Variants in SEC14L1 observed in about 807,000 individuals in gnomAD.
SEC14L1 encodes SEC14-like protein 1.
A neutral mutation model predicts 85.3 loss-of-function variants in SEC14L1; 48 were observed. That is an observed-to-expected ratio of 0.56 (90% CI 0.45 to 0.72). The LOEUF (loss-of-function observed/expected upper bound fraction) is 0.72. Among genes scored for constraint, SEC14L1 ranks in the 30% least tolerant of loss-of-function variants. SEC14L1 has a pLI of 0.00. For synonymous variants in SEC14L1, 391 were observed against 355.5 expected (o/e 1.10, Z -1.12); for missense variants, 682 against 921.4 (o/e 0.74, Z 3.36).
chr17:77,204,403 A>G (rs941124934), intron 10 of SEC14L1, among the ~76,000 whole-genome samples: 3 of 150,748 alleles, frequency 2.0e-5, no homozygotes, highest in Non-Finnish European at 4.4e-5. Flanking sequence ...TATTTTTACT[A>G]GAGACGGGGT....
intron 2 of SEC14L1, among the ~76,000 whole-genome samples, chr17:77,091,987 T>C (rs1205691968): frequency 6.6e-6 from 1 of 152,102 alleles, no homozygotes; most frequent in Non-Finnish European, 1.5e-5. Flanking sequence ...AATTTTTGTG[T>C]TTTTAGTAGA....
intron 3 of SEC14L1, among the ~76,000 whole-genome samples, 178 bp from the exon 4 acceptor site, chr17:77,190,625 G>A (rs879492478): frequency 1.3e-5 from 2 of 152,186 alleles, no homozygotes; most frequent in African/African-American, 2.4e-5. Context: ...TGAATCTTCC[G>A]ATCCATGGAC....
chr17:77,198,094 A>G, intron 8 of SEC14L1, among the ~76,000 whole-genome samples: 1 of 152,380 alleles, frequency 6.6e-6, no homozygotes, highest in East Asian at 1.9e-4. Flanking sequence ...CACATAAACT[A>G]CACTAAAATG....
At chr17:77,099,135 T>C (rs532913236) in intron 3 of SEC14L1, 1 of 152,300 alleles carries the variant, frequency 6.6e-6, no homozygotes, top group Admixed American at 6.5e-5. Flanking sequence ...TGGAGGGTTA[T>C]GTAACAGTGG....
At chr17:77,098,053 G>C (rs1034963841) in intron 3 of SEC14L1, among the ~76,000 whole-genome samples, 1 of 152,204 alleles carries the variant, frequency 6.6e-6, no homozygotes, top group African/African-American at 2.4e-5. Context: ...GAGAGGGCTG[G>C]GGGGCTGAGG....
At chr17:77,175,366 G>A (rs548558142) in intron 3 of SEC14L1, among the ~76,000 whole-genome samples, 9 of 152,226 alleles carry the variant, frequency 5.9e-5, no homozygotes, top group African/African-American at 2.2e-4. Context: ...TTCACAGAAG[G>A]GGGTGGGCTA....
chr17:77,174,762 C>T (rs1974677228), intron 3 of SEC14L1, among the ~76,000 whole-genome samples: 2 of 152,104 alleles, frequency 1.3e-5, no homozygotes, highest in African/African-American at 4.8e-5. Flanking sequence ...AAGCTGTGCT[C>T]AAGAGAAAAA....
Position 77,205,341 on chromosome 17 carries a change from T to C in SEC14L1, c.1164T>C (p.Pro388=). The change falls in exon 11 of 17, where the codon CCT becomes CCC. Residue 388 remains proline (P), a synonymous_variant. Transcript: ENST00000436233. ...CEENTKVFGR[P]ISSWTCLVDL... is the part of the protein sequence containing the mutation. The stretch of plus-strand genomic sequence containing the variant: ...AGAATACAAAAGTCTTTGGTCGGCC[T>C]ATCAGGTAGATGTGGGATTTTGTTT... 6.2e-7 allele frequency: 1 copy of C among 1,613,820 alleles called. No individual in the cohort carries two copies. Among genetic ancestry groups the C allele is most frequent in the South Asian group, 1.1e-5 (1 of 91,082 alleles).
rs1008924316 is a variant in SEC14L1, at chr17:77,215,779, G to C, written c.*1756G>C. 7.7e-5 allele frequency: 75 copies of C among 969,820 alleles called. No individual in the cohort carries two copies. In the African/African-American group the frequency reaches 1.4e-3, roughly 18 times the overall value. 60.1% of individuals were successfully genotyped at this position (969,820 alleles called of 1,614,324 possible). ...GTAGGGCTAGTAGGTAGGGCTAGTA[G>C]GTAGGGTTCGTAGGTAGGGTTCGTA... On this transcript the variant is annotated 3_prime_UTR_variant, in exon 17 of 17. Transcript: ENST00000436233.
chr17:77,200,293 C>T (rs546592356), intron 8 of SEC14L1, among the ~76,000 whole-genome samples, 191 bp from the exon 9 acceptor site: 31 of 152,074 alleles, frequency 2.0e-4, no homozygotes, highest in African/African-American at 4.3e-4. Context: ...CTTCAGCCTC[C>T]GAGTAGCTGG....
At chr17:77,195,044 G>A (rs1975736502) in intron 7 of SEC14L1, 133 bp downstream of exon 7, 2 of 652,010 alleles carry the variant, frequency 3.1e-6, no homozygotes, top group East Asian at 2.7e-5. Flanking sequence ...CCCGTCTCTC[G>A]TTTCTGGCCC....
At position 77,213,582 on chromosome 17, in the gene SEC14L1, G is replaced by A; in HGVS notation, c.2042+90G>A. ...TCCCACGCCGTGTGCAGGATCAGCA[G>A]TGGCGGCGGGTGTCAGGAATGCTTG... On this transcript the variant is annotated intron_variant, in intron 16 of 16. Coordinates refer to ENST00000436233, the MANE Select transcript of SEC14L1 (RefSeq NM_001143998.2). The surrounding 1 kb of genome is among the most constrained non-coding windows in gnomAD (Gnocchi z 7.1). 1 of 1,473,152 alleles carries A rather than the reference G, an allele frequency of 6.8e-7. No individual in the cohort carries two copies. Among genetic ancestry groups the A allele is most frequent in the Non-Finnish European group, 9.3e-7 (1 of 1,075,298 alleles). The allele number at this position is 1,473,152 out of a possible 1,614,324, so 91.3% of individuals were successfully genotyped here.
At chr17:77,093,613 G>A (rs183090484) in intron 3 of SEC14L1, 1 of 152,350 alleles carries the variant, frequency 6.6e-6, no homozygotes, top group African/African-American at 2.4e-5. Flanking sequence ...AGCACTTAGA[G>A]GCGGAGGCCA....
intron 3 of SEC14L1, among the ~76,000 whole-genome samples, chr17:77,096,695 A>G (rs146085638): frequency 1.7e-3 from 266 of 152,308 alleles, no homozygotes; most frequent in Non-Finnish European, 3.1e-3. Flanking sequence ...TCTCTGATGT[A>G]ACTTGGTATA....
At chr17:77,116,899 T>A (rs1972182254) in intron 3 of SEC14L1, among the ~76,000 whole-genome samples, 1 of 151,912 alleles carries the variant, frequency 6.6e-6, no homozygotes, top group African/African-American at 2.4e-5. Flanking sequence ...GGGCCATGGG[T>A]GGGAGGATTT....
At chr17:77,200,847 G>A (rs911705047) in intron 9 of SEC14L1, among the ~76,000 whole-genome samples, 174 bp downstream of exon 9, 10 of 152,150 alleles carry the variant, frequency 6.6e-5, no homozygotes, top group African/African-American at 1.7e-4. Context: ...GTGTCACCAC[G>A]GGCACACTCC....
At chr17:77,204,337 C>T (rs1175749589) in intron 10 of SEC14L1, among the ~76,000 whole-genome samples, 1 of 151,990 alleles carries the variant, frequency 6.6e-6, no homozygotes, top group African/African-American at 2.4e-5. Flanking sequence ...CCTGCCTCAA[C>T]CTCCTGAGTA....
At chr17:77,115,561 A>T (rs902424100) in intron 3 of SEC14L1, among the ~76,000 whole-genome samples, 2 of 152,046 alleles carry the variant, frequency 1.3e-5, no homozygotes, top group Non-Finnish European at 1.5e-5. Context: ...CTTGCTCCTG[A>T]CTGTGGCTGT....
At chr17:77,180,620 C>T (rs1453444417) in intron 3 of SEC14L1, among the ~76,000 whole-genome samples, 1 of 152,096 alleles carries the variant, frequency 6.6e-6, no homozygotes, top group Non-Finnish European at 1.5e-5. Context: ...AGACTGGTAC[C>T]CGAGGCAGCT....
Sources: allele counts gnomAD v4.1 joint callset (sites outside exome capture counted in the v4.1 genomes callset), GRCh38; gene constraint gnomAD v4.1.1; non-coding constraint Gnocchi (gnomAD v3.1); transcripts MANE v1.5; gene names NCBI Gene and HGNC (gene_info 2026-07-23, HGNC 2026-07-21).